The following TBC1D5 variants were observed in gnomAD, a reference collection of about 807,000 sequenced individuals.
The protein encoded by TBC1D5 is TBC1 domain family member 5.
TBC1D5 carries 75 observed loss-of-function variants against 100.3 expected under a neutral mutation model. The ratio of observed to expected loss-of-function variants is 0.75; its 90% CI spans 0.62 to 0.91. TBC1D5 has a LOEUF of 0.91. Among genes scored for constraint, TBC1D5 ranks in the 40% least tolerant of loss-of-function variants. The probability of loss-of-function intolerance (pLI) is 0.00; values close to 1 mark genes in which losing one functional copy is unlikely to be tolerated. For synonymous variants in TBC1D5, 323 were observed against 325.6 expected (o/e 0.99, Z 0.09); for missense variants, 910 against 942.4 (o/e 0.97, Z 0.45).
chr3:17,664,525 T>G (rs2067016703), intron 1 of TBC1D5, among the ~76,000 whole-genome samples: 1 of 152,236 alleles, frequency 6.6e-6, no homozygotes. Context: ...CAGATGCTGA[T>G]GGTATGGATA....
chr3:17,614,470 C>T (rs755299394), intron 2 of TBC1D5, among the ~76,000 whole-genome samples: 5 of 152,158 alleles, frequency 3.3e-5, no homozygotes, highest in Admixed American at 6.5e-5. Flanking sequence ...CTATAAATTA[C>T]CCTGGGCAGT....
intron 9 of TBC1D5, among the ~76,000 whole-genome samples, chr3:17,383,438 A>G (rs1022964416): frequency 1.3e-5 from 2 of 152,030 alleles, no homozygotes; most frequent in Non-Finnish European, 2.9e-5. Context: ...GACGAGTCAA[A>G]TAACAGGATC....
chr3:17,560,363 A>G (rs2096550512), intron 2 of TBC1D5, among the ~76,000 whole-genome samples: 1 of 152,188 alleles, frequency 6.6e-6, no homozygotes. Context: ...CACCCCTGTA[A>G]TCCTGTCACT....
At chr3:17,523,767 A>T (rs1314184544) in intron 2 of TBC1D5, among the ~76,000 whole-genome samples, 1 of 152,194 alleles carries the variant, frequency 6.6e-6, no homozygotes, top group Admixed American at 6.5e-5. Context: ...ATGCATTCTC[A>T]ATGGCAGTGA....
chr3:17,164,847 A>T (rs1370852113), intron 21 of TBC1D5, among the ~76,000 whole-genome samples: 2 of 152,166 alleles, frequency 1.3e-5, no homozygotes, highest in East Asian at 3.8e-4. Flanking sequence ...TCTCTCAAGA[A>T]ATCTCAAGAT....
At chr3:17,728,665 C>T (rs1013997745) in intron 1 of TBC1D5, among the ~76,000 whole-genome samples, 7 of 151,492 alleles carry the variant, frequency 4.6e-5, no homozygotes, top group East Asian at 3.8e-4. Context: ...CAAAAGTTGT[C>T]GAGCCATTTG....
chr3:17,317,724 G>T (rs1054756787), intron 13 of TBC1D5, among the ~76,000 whole-genome samples: 8 of 152,032 alleles, frequency 5.3e-5, no homozygotes, highest in Non-Finnish European at 1.0e-4. Flanking sequence ...TCTGATAATG[G>T]CAAATACCAT....
At chr3:17,622,282 C>A (rs542362207) in intron 2 of TBC1D5, among the ~76,000 whole-genome samples, 1 of 152,078 alleles carries the variant, frequency 6.6e-6, no homozygotes, top group Non-Finnish European at 1.5e-5. Context: ...CTGTGTGGCC[C>A]CATTCCTAAC....
chr3:17,674,184 T>C (rs1334830717), intron 1 of TBC1D5, among the ~76,000 whole-genome samples: 3 of 152,214 alleles, frequency 2.0e-5, no homozygotes, highest in Admixed American at 2.0e-4. Context: ...GTACAAGTTT[T>C]TCCATCTTGT....
At chr3:17,406,207 T>C (rs183689232) in intron 5 of TBC1D5, among the ~76,000 whole-genome samples, 50 of 152,224 alleles carry the variant, frequency 3.3e-4, no homozygotes, top group African/African-American at 1.0e-3. Flanking sequence ...TTTTTTTATA[T>C]GACTCTTTTA....
intron 15 of TBC1D5, among the ~76,000 whole-genome samples, chr3:17,267,292 C>T (rs899166275): frequency 5.9e-5 from 9 of 151,786 alleles, no homozygotes; most frequent in Non-Finnish European, 1.3e-4. Flanking sequence ...TTCTTTGTTG[C>T]TAATACTGGG....
intron 3 of TBC1D5, among the ~76,000 whole-genome samples, chr3:17,471,670 C>CAAAAAAAAAAAAAAAAAAAAA (rs753132440): frequency 4.5e-5 from 1 of 22,288 alleles, no homozygotes. Context: ...GACTCCGTCT[C>CAAAAAAAAAAAAAAAAAAAAA]AAAAAAAAAA....
At chr3:17,436,806 A>G in intron 3 of TBC1D5, among the ~76,000 whole-genome samples, 1 of 152,340 alleles carries the variant, frequency 6.6e-6, no homozygotes, top group East Asian at 1.9e-4. Flanking sequence ...AGTACATAGT[A>G]TTACACATAT....
At chr3:17,493,877 C>CT (rs1274017826) in intron 3 of TBC1D5, among the ~76,000 whole-genome samples, 2 of 152,152 alleles carry the variant, frequency 1.3e-5, no homozygotes, top group African/African-American at 4.8e-5. Flanking sequence ...GAACATACTC[C>CT]TTTGGCTCAG....
chr3:17,618,419 C>G (rs2153640512), intron 2 of TBC1D5, among the ~76,000 whole-genome samples: 1 of 152,326 alleles, frequency 6.6e-6, no homozygotes, highest in Non-Finnish European at 1.5e-5. Context: ...CTGGGAGAAC[C>G]ACTGCTCTCT....
At chr3:17,367,818 CA>C (rs1249372030) in intron 13 of TBC1D5, among the ~76,000 whole-genome samples, 12 of 151,456 alleles carry the variant, frequency 7.9e-5, no homozygotes, top group African/African-American at 2.7e-4. Flanking sequence ...AAGATTGCAC[CA>C]CTGCACACCA....
chr3:17,242,515 A>G (rs1020674955), intron 16 of TBC1D5, among the ~76,000 whole-genome samples: 1 of 151,980 alleles, frequency 6.6e-6, no homozygotes, highest in African/African-American at 2.4e-5. Context: ...TCCAAGGTTG[A>G]ATACTTCCGT....
intron 13 of TBC1D5, 100 bp downstream of exon 13, chr3:17,371,975 T>C: frequency 1.7e-6 from 2 of 1,170,506 alleles, no homozygotes; most frequent in Non-Finnish European, 2.3e-6. Flanking sequence ...GGGCAGAGTT[T>C]GCAGTAAGCC....
intron 13 of TBC1D5, among the ~76,000 whole-genome samples, chr3:17,352,617 AC>A: frequency 6.6e-6 from 1 of 151,410 alleles, no homozygotes; most frequent in Non-Finnish European, 1.5e-5. Context: ...TGAACAGAAG[AC>A]AAATAACAGA....
Sources: allele counts gnomAD v4.1 joint callset (sites outside exome capture counted in the v4.1 genomes callset), GRCh38; gene constraint gnomAD v4.1.1; transcripts MANE v1.5; gene names NCBI Gene and HGNC (gene_info 2026-07-23, HGNC 2026-07-21).